The following SLX4 variants were observed in gnomAD, a reference collection of about 807,000 sequenced individuals.
SLX4 encodes SLX4 structure-specific endonuclease subunit, also known as structure-specific endonuclease subunit SLX4.
In SLX4, 112 loss-of-function variants were observed where a neutral mutation model predicts 146.2. The observed-to-expected ratio is 0.77, with a 90% CI of 0.66 to 0.90. The LOEUF is 0.90. SLX4 is among the 40% of genes least tolerant of loss of function. The probability of loss-of-function intolerance (pLI) is 0.00; values close to 1 mark genes in which losing one functional copy is unlikely to be tolerated. For missense variants in SLX4, 2,563 were observed against 2,392.7 expected (o/e 1.07, Z -1.49); for synonymous variants, 1,061 against 997.7 (o/e 1.06, Z -1.20).
rs1567170114 is a variant in SLX4, at chr16:3,590,190, C to T, written c.3448G>A (p.Glu1150Lys). ...KSSSKLNEED[E>K]VILLLDSDEE... ...TCCGAGTCCAGTAAGAGGATGACCT[C>T]ATCTTCTTCGTTCAGTTTGGATGAA... The change falls in exon 12 of 15, where the codon GAG becomes AAG. Residue 1150 changes from glutamate (E) to lysine (K), a missense_variant. Coordinates refer to ENST00000294008, the MANE Select transcript of SLX4 (RefSeq NM_032444.4). The surrounding 1 kb of genome is among the most constrained non-coding windows in gnomAD (Gnocchi z 4.8). 1 of 1,614,208 alleles carries T rather than the reference C, an allele frequency of 6.2e-7. No homozygotes were observed. Among genetic ancestry groups the T allele is most frequent in the Non-Finnish European group, 8.5e-7 (1 of 1,180,046 alleles).
intron 4 of SLX4, 85 bp downstream of exon 4, chr16:3,602,033 G>T: frequency 6.6e-7 from 1 of 1,514,714 alleles, no homozygotes; most frequent in Non-Finnish European, 9.2e-7. Context: ...TCATGGTAAG[G>T]TGTGGAGATC....
rs189983222 is a variant in SLX4, at chr16:3,598,065, A to C, written c.1164-66T>G. 610 of 1,591,252 alleles carry C rather than the reference A, an allele frequency of 3.8e-4. 2 individuals are homozygous for C. The African/African-American group carries it at 7.1e-3, about 19-fold the overall frequency. ...AGTGCACGCTTCTCAGGTTGGTCAC[A>C]CTGGTCTGGAGAGGGCTGGGCCTGA... On this transcript the variant is annotated intron_variant, in intron 5 of 14. Coordinates refer to ENST00000294008, the MANE Select transcript of SLX4 (RefSeq NM_032444.4).
chr16:3,584,174 G>A (rs2040478539), intron 13 of SLX4, among the ~76,000 whole-genome samples: 1 of 152,184 alleles, frequency 6.6e-6, no homozygotes, highest in South Asian at 2.1e-4. Context: ...TGTAATCCCA[G>A]CATTTTGGGA....
rs373341628 is a variant in SLX4 at position 3,606,571 on chromosome 16, G to A, written c.663C>T (p.Pro221=). Residue 221 remains proline, a synonymous_variant, in exon 3 of 15, where the codon CCC becomes CCT. Transcript: ENST00000294008. ...QRMQQFKRAD[P]ERLRHASEEC... ...CTTCTGAAGCGTGTCTCAAACGCTC[G>A]GGGTCTGCTCTCTTGAACTGCTGCA... 2.5e-5 allele frequency: 40 copies of A among 1,613,994 alleles called. No homozygotes were observed. Among genetic ancestry groups the A allele is most frequent in the Non-Finnish European group, 3.0e-5 (35 of 1,180,030 alleles).
chr16:3,599,650 A>T (rs2040704997), intron 5 of SLX4, among the ~76,000 whole-genome samples: 1 of 152,226 alleles, frequency 6.6e-6, no homozygotes, highest in African/African-American at 2.4e-5. Flanking sequence ...GCAGTGGTGC[A>T]ATCACAGCTC....
rs879528616 is a variant in SLX4, at chr16:3,600,444, AC to A, written c.1163+534del. The stretch of plus-strand genomic sequence containing the variant: ...AAAACAGTGCGAAGATCATTTCTGC[AC>A]CCCCCTAAAGGGGCAGGTCCAGAGC... On this transcript the variant is annotated intron_variant, in intron 5 of 14. Coordinates refer to ENST00000294008, the MANE Select transcript of SLX4 (RefSeq NM_032444.4). Among the ~76,000 whole-genome samples the A allele has an allele frequency of 5.7e-4, 87 of 151,698 alleles. 1 individual carries two copies. Among genetic ancestry groups the A allele is most frequent in the Admixed American group, 1.9e-3 (29 of 15,234 alleles).
chr16:3,589,813 G>A lies in SLX4; in HGVS notation c.3825C>T (p.Ile1275=), dbSNP rs1476315505. Reference sequence around the variant, plus strand: ...CGGCCAGCCCGCTCCTGAGGCTGCTGATTTGGGTCTGGGAAGAACAGTCAC... The same window carrying A: ...CGGCCAGCCCGCTCCTGAGGCTGCTAATTTGGGTCTGGGAAGAACAGTCAC... ...RSRDCSSQTQ[I]SSLRSGLAVQ... The change falls in exon 12 of 15, where the codon ATC becomes ATT. Residue 1275 remains isoleucine (I), a synonymous_variant. Coordinates refer to ENST00000294008, the MANE Select transcript of SLX4 (RefSeq NM_032444.4). The surrounding 1 kb of genome is among the most constrained non-coding windows in gnomAD (Gnocchi z 6.2). 4 of 1,613,430 alleles carry A rather than the reference G, an allele frequency of 2.5e-6. No homozygotes were observed. Among genetic ancestry groups the A allele is most frequent in the African/African-American group, 2.7e-5 (2 of 75,050 alleles).
intron 1 of SLX4, among the ~76,000 whole-genome samples, chr16:3,610,814 A>C (rs1254756333): frequency 6.6e-6 from 1 of 152,180 alleles, no homozygotes; most frequent in Non-Finnish European, 1.5e-5. Flanking sequence ...TGAATTGCAA[A>C]GAGTTCGGTA....
intron 7 of SLX4, among the ~76,000 whole-genome samples, chr16:3,596,678 C>T (rs1249732502): frequency 6.6e-6 from 1 of 152,236 alleles, no homozygotes; most frequent in Non-Finnish European, 1.5e-5. Context: ...CCCAGGCCTG[C>T]CGCCCTCCTG....
At position 3,589,148 on chromosome 16, in the gene SLX4, G is replaced by C. The variant is rs1156922481; in HGVS notation, c.4490C>G (p.Ser1497Cys). The C allele has an allele frequency of 3.7e-6, 6 of 1,613,986 alleles. No individual in the cohort carries two copies. Among genetic ancestry groups the C allele is most frequent in the Admixed American group, 1.7e-5 (1 of 59,992 alleles). ...AAAGCTCGGCCTGCTATTCCCCAGG[G>C]AGCCCGCGCCCGAGGACTTCTCTTG... Reference protein sequence around the residue: ...KLQEKSSGAGSLGNSRPSFLN... With the variant: ...KLQEKSSGAGCLGNSRPSFLN... Residue 1497 changes from serine to cysteine, a missense_variant, in exon 12 of 15, where the codon TCC becomes TGC. Transcript: ENST00000294008. This position sits in a 1 kb window ranked among gnomAD's most constrained non-coding sequence, Gnocchi z 6.2.
intron 5 of SLX4, among the ~76,000 whole-genome samples, chr16:3,600,291 G>C (rs1016718513): frequency 2.6e-5 from 4 of 152,212 alleles, no homozygotes; most frequent in Non-Finnish European, 5.9e-5. Flanking sequence ...CTCACCTCCT[G>C]CTGTGTGGCC....
At position 3,609,178 on chromosome 16, in the gene SLX4, G is replaced by T; in HGVS notation, c.-214C>A. ...CAGCTCTTTTGGAGGACGAGGCGGGGGGTGGATCACCTGAGGTCAGAAGTT... is the reference window on the plus strand; with the variant it reads ...CAGCTCTTTTGGAGGACGAGGCGGGTGGTGGATCACCTGAGGTCAGAAGTT... On this transcript the variant is annotated 5_prime_UTR_variant, in exon 2 of 15. Coordinates refer to ENST00000294008, the MANE Select transcript of SLX4 (RefSeq NM_032444.4). 1 of 522,674 alleles carries T rather than the reference G, an allele frequency of 1.9e-6. No individual in the cohort carries two copies. Among genetic ancestry groups the T allele is most frequent in the African/African-American group, 1.9e-5 (1 of 52,760 alleles). 32.4% of individuals were successfully genotyped at this position (522,674 alleles called of 1,614,324 possible). A position where few individuals can be genotyped will look rare whatever the true frequency, so the allele number is the denominator to read the frequency against.
chr16:3,594,948 C>G (rs1209094682), intron 9 of SLX4, among the ~76,000 whole-genome samples: 1 of 152,188 alleles, frequency 6.6e-6, no homozygotes, highest in Non-Finnish European at 1.5e-5. Flanking sequence ...AGGAGGTGCA[C>G]CCATCCCCTG....
rs1242269026 is a variant in SLX4 at position 3,582,410 on chromosome 16, T to C, written c.5437A>G (p.Thr1813Ala). 1 of 1,613,624 alleles carries C rather than the reference T, an allele frequency of 6.2e-7. No individual in the cohort carries two copies. Among genetic ancestry groups the C allele is most frequent in the Non-Finnish European group, 8.5e-7 (1 of 1,180,022 alleles). ...CTGCCCTGGAGCTTCTCCCTGCGGGTGGCGGCAGTGGTGAAGGTGATACAG... is the reference window on the plus strand; with the variant it reads ...CTGCCCTGGAGCTTCTCCCTGCGGGCGGCGGCAGTGGTGAAGGTGATACAG... The part of the protein sequence containing the change: ...THCITFTTAA[T>A]RREKLQGRRR... Residue 1813 changes from threonine to alanine, a missense_variant, in exon 15 of 15, where the codon ACC becomes GCC. Physicochemically the swap from Thr to Ala is moderately conservative, Grantham distance 58 (BLOSUM62 0). Coordinates refer to ENST00000294008, the MANE Select transcript of SLX4 (RefSeq NM_032444.4).
chr16:3,598,069 G>C, intron 5 of SLX4, 70 bp from the exon 6 acceptor site: 1 of 1,573,712 alleles, frequency 6.4e-7, no homozygotes, highest in Non-Finnish European at 8.7e-7. Flanking sequence ...GGTCACACTG[G>C]TCTGGAGAGG....
Position 3,597,354 on chromosome 16 carries a change from C to A in SLX4, c.1683+25G>T. On this transcript the variant is annotated intron_variant, in intron 7 of 14. Transcript: ENST00000294008. This position sits in a 1 kb window ranked among gnomAD's most constrained non-coding sequence, Gnocchi z 4.4. ...TGCCAACCTCCCCCAAAAGCCTATC[C>A]ATGTGCCTGAGGGGAGGGACTCACC... 1 of 1,510,398 alleles carries A rather than the reference C, an allele frequency of 6.6e-7. No homozygotes were observed. Among genetic ancestry groups the A allele is most frequent in the Non-Finnish European group, 8.9e-7 (1 of 1,125,916 alleles). The allele number at this position is 1,510,398 out of a possible 1,614,324, so 93.6% of individuals were successfully genotyped here.
intron 8 of SLX4, 126 bp downstream of exon 8, chr16:3,596,027 G>T: frequency 7.3e-7 from 1 of 1,371,388 alleles, no homozygotes; most frequent in Non-Finnish European, 9.7e-7. Flanking sequence ...CAGAGGCTGC[G>T]TGTTCTCCCA....
At chr16:3,594,839 T>C (rs1046830736) in intron 9 of SLX4, among the ~76,000 whole-genome samples, 1 of 152,190 alleles carries the variant, frequency 6.6e-6, no homozygotes, top group African/African-American at 2.4e-5. Flanking sequence ...GTGGGTTCCC[T>C]GGCCCCCGTG....
chr16:3,593,500 G>A (rs1251549761), intron 10 of SLX4, among the ~76,000 whole-genome samples: 2 of 152,240 alleles, frequency 1.3e-5, no homozygotes, highest in Admixed American at 6.5e-5. Context: ...TCTCAGGCAT[G>A]AGCCGCCGTG....
Sources: allele counts gnomAD v4.1 joint callset (sites outside exome capture counted in the v4.1 genomes callset), GRCh38; gene constraint gnomAD v4.1.1; non-coding constraint Gnocchi (gnomAD v3.1); transcripts MANE v1.5; gene names NCBI Gene and HGNC (gene_info 2026-07-23, HGNC 2026-07-21).